The following ERG variants were observed in gnomAD, a reference collection of about 807,000 sequenced individuals.
ERG encodes the protein ETS transcription factor ERG.
ERG carries 9 observed loss-of-function variants against 55.3 expected under a neutral mutation model. The observed-to-expected ratio is 0.16, with a 90% CI of 0.10 to 0.28. The LOEUF is 0.28. Ranked by LOEUF, ERG falls within the 10% of genes least tolerant of loss-of-function variation. The pLI, the probability that ERG is intolerant of heterozygous loss-of-function variation, is 1.00. For missense variants in ERG, 434 were observed against 631.6 expected, an observed-to-expected ratio of 0.69 and a Z score of 3.35; for synonymous variants, 223 against 237.3, an observed-to-expected ratio of 0.94 and a Z score of 0.55.
At chr21:38,545,256 C>T (rs2836502) in intron 2 of ERG, among the ~76,000 whole-genome samples, 76,807 of 151,936 alleles carry the variant, frequency 0.51, 20,706 homozygotes, top group Non-Finnish European at 0.62. Context: ...TTTAGAGTAA[C>T]GAAGCCATAA....
chr21:38,643,052 C>T (rs1485252086), intron 1 of ERG, among the ~76,000 whole-genome samples: 1 of 152,146 alleles, frequency 6.6e-6, no homozygotes, highest in Non-Finnish European at 1.5e-5. Context: ...CAAAGTGATC[C>T]ACTGAAAAGA....
chr21:38,552,600 A>G (rs556431778), intron 2 of ERG, among the ~76,000 whole-genome samples: 1 of 152,206 alleles, frequency 6.6e-6, no homozygotes, highest in Non-Finnish European at 1.5e-5. Context: ...TCATCTCAAT[A>G]GCTGCAGAAA....
intron 1 of ERG, among the ~76,000 whole-genome samples, chr21:38,659,335 A>G (rs190590315): frequency 8.4e-4 from 128 of 152,372 alleles, no homozygotes; most frequent in Middle Eastern, 3.4e-3. Flanking sequence ...AATTTGACAC[A>G]TGGTGAATTA....
intron 2 of ERG, among the ~76,000 whole-genome samples, chr21:38,431,487 A>C (rs1451680471): frequency 6.6e-6 from 1 of 152,224 alleles, no homozygotes; most frequent in Non-Finnish European, 1.5e-5. Context: ...AAATACATAT[A>C]AGACAAAATG....
chr21:38,523,161 C>G (rs1166168862), intron 2 of ERG, among the ~76,000 whole-genome samples: 1 of 152,112 alleles, frequency 6.6e-6, no homozygotes, highest in Non-Finnish European at 1.5e-5. Context: ...TATGCCCTAT[C>G]ATTCTTAAAA....
chr21:38,396,170 T>C (rs1988202423), intron 6 of ERG, among the ~76,000 whole-genome samples: 1 of 150,692 alleles, frequency 6.6e-6, no homozygotes, highest in African/African-American at 2.5e-5. Flanking sequence ...GTCTGTGAAA[T>C]GAAAAAAAAA....
At chr21:38,536,312 G>T (rs556133927) in intron 2 of ERG, among the ~76,000 whole-genome samples, 6 of 152,082 alleles carry the variant, frequency 3.9e-5, no homozygotes, top group African/African-American at 1.4e-4. Flanking sequence ...GTAACACAAA[G>T]AACAAGCCAT....
At chr21:38,633,124 C>CA (rs554788480) in intron 1 of ERG, among the ~76,000 whole-genome samples, 254 of 151,224 alleles carry the variant, frequency 1.7e-3, no homozygotes, top group Non-Finnish European at 1.9e-3. Flanking sequence ...AAGCCAGCCA[C>CA]AAAAAAAAGA....
At chr21:38,470,550 C>CCATCTA (rs1214444268) in intron 1 of ERG, among the ~76,000 whole-genome samples, 1 of 151,658 alleles carries the variant, frequency 6.6e-6, no homozygotes, top group Non-Finnish European at 1.5e-5. Flanking sequence ...TACATATTGA[C>CCATCTA]CATCTACACA....
chr21:38,398,987 A>G (rs565776536), intron 6 of ERG, among the ~76,000 whole-genome samples: 1 of 152,348 alleles, frequency 6.6e-6, no homozygotes, highest in African/African-American at 2.4e-5. Flanking sequence ...TTTTTAGTTT[A>G]TATGGAAATA....
intron 3 of ERG, among the ~76,000 whole-genome samples, chr21:38,418,017 A>G (rs969621595): frequency 6.6e-6 from 1 of 151,996 alleles, no homozygotes; most frequent in Non-Finnish European, 1.5e-5. Flanking sequence ...GCAATGAGTG[A>G]TTCTTCATTT....
At chr21:38,396,112 C>T (rs1988199648) in intron 6 of ERG, among the ~76,000 whole-genome samples, 1 of 152,046 alleles carries the variant, frequency 6.6e-6, no homozygotes, top group South Asian at 2.1e-4. Context: ...TAATGGGGAA[C>T]ACAAATTAGG....
rs191065691 is a variant in ERG at position 38,429,203 on chromosome 21, A to G, written c.237-5642T>C. On this transcript the variant is annotated intron_variant, in intron 2 of 9. Coordinates refer to ENST00000288319, the MANE Select transcript of ERG (RefSeq NM_182918.4). Reference sequence around the variant, plus strand: ...TCTCCAACTCCATCCAAGTTGCTGCAAATGCCATTTTCTTCCTTTTCATGG... The same window carrying G: ...TCTCCAACTCCATCCAAGTTGCTGCGAATGCCATTTTCTTCCTTTTCATGG... Among the ~76,000 whole-genome samples, 145 of 152,112 alleles carry G rather than the reference A, an allele frequency of 9.5e-4. 1 individual carries two copies. Among genetic ancestry groups the G allele is most frequent in the African/African-American group, 3.3e-3 (138 of 41,458 alleles).
intron 1 of ERG, among the ~76,000 whole-genome samples, chr21:38,614,476 C>G (rs1418892835): frequency 6.6e-6 from 1 of 152,150 alleles, no homozygotes; most frequent in Non-Finnish European, 1.5e-5. Context: ...GGACACCCTC[C>G]TACCTCTTCC....
At chr21:38,587,790 GT>G (rs936539762), upstream of ERG, among the ~76,000 whole-genome samples, 2 of 152,188 alleles carry the variant, frequency 1.3e-5, no homozygotes, top group African/African-American at 4.8e-5. Context: ...GGGAATAAAA[GT>G]TTTAAAAGCG....
chr21:38,391,750 T>G (rs1240236840), intron 7 of ERG, 35 bp from the exon 8 acceptor site: 4 of 1,579,672 alleles, frequency 2.5e-6, no homozygotes, highest in Non-Finnish European at 3.5e-6. Context: ...CAATTAGCTA[T>G]AACAGATTTG....
At chr21:38,573,332 A>G (rs1157914262) in intron 2 of ERG, among the ~76,000 whole-genome samples, 51 of 152,250 alleles carry the variant, frequency 3.3e-4, no homozygotes, top group African/African-American at 1.1e-3. Flanking sequence ...GGATTAGTAA[A>G]AGAGGAAAGC....
At chr21:38,547,644 G>A (rs553930180) in intron 2 of ERG, among the ~76,000 whole-genome samples, 1 of 152,276 alleles carries the variant, frequency 6.6e-6, no homozygotes, top group East Asian at 1.9e-4. Flanking sequence ...TTTTTGTTTT[G>A]CTGTTTATGT....
chr21:38,421,195 C>T (rs893231485), intron 3 of ERG, among the ~76,000 whole-genome samples: 4 of 152,190 alleles, frequency 2.6e-5, no homozygotes, highest in Non-Finnish European at 5.9e-5. Context: ...CATTCAGGTG[C>T]ATTGTCAAGA....
Sources: allele counts gnomAD v4.1 joint callset (sites outside exome capture counted in the v4.1 genomes callset), GRCh38; gene constraint gnomAD v4.1.1; transcripts MANE v1.5; gene names NCBI Gene and HGNC (gene_info 2026-07-23, HGNC 2026-07-21).